The following DNAH1 variants were observed in gnomAD, a reference collection of about 807,000 sequenced individuals.
The protein encoded by DNAH1 is dynein axonemal heavy chain 1.
A neutral mutation model predicts 484.3 loss-of-function variants in DNAH1; 327 were observed. That is an observed-to-expected ratio of 0.68 (90% CI 0.62 to 0.74). The LOEUF is 0.74. DNAH1 is among the 30% of genes least tolerant of loss of function. The probability of loss-of-function intolerance (pLI) is 0.00; values close to 1 mark genes in which losing one functional copy is unlikely to be tolerated. For missense variants in DNAH1, 5,052 were observed against 5,546.8 expected (o/e 0.91, Z 2.83); for synonymous variants, 2,192 against 2,191.9 (o/e 1.00, Z 0.00).
Position 52,391,095 on chromosome 3 carries a change from G to A in DNAH1, c.9741+41G>A, listed in dbSNP as rs200764496. 7.8e-4 allele frequency: 1,249 copies of A among 1,595,264 alleles called. 2 individuals are homozygous for A. Among genetic ancestry groups the A allele is most frequent in the Non-Finnish European group, 9.1e-4 (1,062 of 1,170,830 alleles). Reference sequence around the variant, plus strand: ...AGGCACCACCACCCCACCCCAGCCAGGCATAGCAAGGGCAGTGGTGAGCCG... The same window carrying A: ...AGGCACCACCACCCCACCCCAGCCAAGCATAGCAAGGGCAGTGGTGAGCCG... On this transcript the variant is annotated intron_variant, in intron 61 of 77. Transcript: ENST00000420323.
chr3:52,356,536 GTC>G, intron 21 of DNAH1, 76 bp from the exon 22 acceptor site: 1 of 1,471,598 alleles, frequency 6.8e-7, no homozygotes, highest in Non-Finnish European at 9.3e-7. Context: ...GGGGTGAAAT[GTC>G]CCAGTCATTG....
chr3:52,374,866 T>C lies in DNAH1; in HGVS notation c.6986-374T>C, dbSNP rs1703514385. 6.4e-6 allele frequency: 7 copies of C among 1,097,148 alleles called. No homozygotes were observed. In the South Asian group the frequency reaches 8.9e-5, roughly 14 times the overall value. 68.0% of individuals were successfully genotyped at this position (1,097,148 alleles called of 1,614,324 possible). On this transcript the variant is annotated intron_variant, in intron 44 of 77. Coordinates refer to ENST00000420323, the MANE Select transcript of DNAH1 (RefSeq NM_015512.5). ...GAAGCATGGGTTAAAATAGAAAATC[T>C]AGCCAAAGCCAATCCCCAGGTACTA...
Position 52,399,568 on chromosome 3 carries a change from G to T in DNAH1, c.12465G>T (p.Glu4155Asp), listed in dbSNP as rs1704812036. The change falls in exon 77 of 78, where the codon GAG becomes GAT. Residue 4155 changes from glutamate to aspartate, a missense_variant. By Grantham distance (45) the Glu-to-Asp change is conservative. Transcript: ENST00000420323. ...AGGTGATGTTTGAGGCACCATCAGA[G>T]TTAACACAAAGACCCCAAGTAGGGT... ...DFKVMFEAPS[E>D]LTQRPQVGCY... 6.2e-7 allele frequency: 1 copy of T among 1,612,852 alleles called. No individual in the cohort carries two copies. Among genetic ancestry groups the T allele is most frequent in the African/African-American group, 1.3e-5 (1 of 75,028 alleles).
chr3:52,346,872 C>A, intron 11 of DNAH1, 102 bp downstream of exon 11: 1 of 1,292,068 alleles, frequency 7.7e-7, no homozygotes, highest in Non-Finnish European at 1.1e-6. Flanking sequence ...CCCATCCATG[C>A]CAGGTCCCAG....
Position 52,354,910 on chromosome 3 carries a change from A to G in DNAH1, c.3548A>G (p.Asp1183Gly), listed in dbSNP as rs1702544682. ...AATGTACTGCCCTACAAGGCGACAG[A>G]CACCTACATCCTGAAGAGCCCGGAC... ...LFNVLPYKAT[D>G]TYILKSPDEA... is the part of the protein sequence containing the mutation. Residue 1183 changes from aspartate (D) to glycine (G), a missense_variant, in exon 21 of 78, where the codon GAC (aspartate) becomes GGC (glycine). Physicochemically the swap from Asp to Gly is moderately conservative, Grantham distance 94. Around this residue, in one of 4 missense-constraint regions of DNAH1, gnomAD observed 2,929 missense variants for 3,409.4 expected, o/e 0.86. Coordinates refer to ENST00000420323, the MANE Select transcript of DNAH1 (RefSeq NM_015512.5). 6.2e-7 allele frequency: 1 copy of G among 1,614,054 alleles called. No homozygotes were observed. Among genetic ancestry groups the G allele is most frequent in the East Asian group, 2.2e-5 (1 of 44,884 alleles).
In DNAH1 at chr3:52,326,792, C is replaced by A; in HGVS notation, c.639C>A (p.Ile213=). Residue 213 remains isoleucine (I), a synonymous_variant, in exon 5 of 78, where the codon ATC becomes ATA. Transcript: ENST00000420323. ...AGCAGTTGCTGTTCAGCCAGGGCAT[C>A]GACTCCAACAAGCTCATGCCCAGGC... ...DIEQLLFSQG[I]DSNKLMPRHL... 6.2e-7 allele frequency: 1 copy of A among 1,613,782 alleles called. No homozygotes were observed. Among genetic ancestry groups the A allele is most frequent in the Non-Finnish European group, 8.5e-7 (1 of 1,179,804 alleles).
chr3:52,375,330 G>A lies in DNAH1; in HGVS notation c.7076G>A (p.Arg2359His), dbSNP rs748543554. 17 of 1,613,312 alleles carry A rather than the reference G, an allele frequency of 1.1e-5. No individual in the cohort carries two copies. Among genetic ancestry groups the A allele is most frequent in the African/African-American group, 1.3e-5 (1 of 74,922 alleles). ...AACACCGTCACCCCGCGGCTGATGC[G>A]TCACTTCAACTACCTGTCTTTCGCT... is the stretch of plus-strand genomic sequence containing the variant. ...GRNTVTPRLM[R>H]HFNYLSFAEM... The change falls in exon 45 of 78, where the codon CGT becomes CAT. Residue 2359 changes from arginine to histidine, a missense_variant. This residue lies in a region of DNAH1 where 2,929 missense variants were observed against 3,409.4 expected (regional missense o/e 0.86). Coordinates refer to ENST00000420323, the MANE Select transcript of DNAH1 (RefSeq NM_015512.5).
chr3:52,352,809 G>A, intron 18 of DNAH1, 102 bp downstream of exon 18: 1 of 1,458,510 alleles, frequency 6.9e-7, no homozygotes, highest in Non-Finnish European at 9.1e-7. Context: ...TTTGGGGGCA[G>A]GACCCAGCAG....
At chr3:52,320,800 CTTTTTTTTTTT>C (rs556409465) in intron 1 of DNAH1, among the ~76,000 whole-genome samples, 1 of 125,068 alleles carries the variant, frequency 8.0e-6, no homozygotes, top group Non-Finnish European at 1.6e-5. Context: ...TCTTTCTTTC[CTTTTTTTTTTT>C]TTTTTTTTTG....
intron 1 of DNAH1, among the ~76,000 whole-genome samples, chr3:52,320,799 CCTT>C (rs1701118354): frequency 7.1e-6 from 1 of 141,200 alleles, no homozygotes; most frequent in Admixed American, 7.0e-5. Flanking sequence ...TTCTTTCTTT[CCTT>C]TTTTTTTTTT....
In DNAH1 at chr3:52,399,643, C is replaced by T. The variant is rs1235264959; in HGVS notation, c.12540C>T (p.Ala4180=). Residue 4180 remains alanine (A), a synonymous_variant, in exon 77 of 78, where the codon GCC becomes GCT. Transcript: ENST00000420323. ...AAGGTGCCCGCTGGGATCCAGAGGC[C>T]TTCCAGCTGGCTGAGTCTCAGCCCA... is the stretch of plus-strand genomic sequence containing the variant. ...FLEGARWDPE[A]FQLAESQPKE... 4 of 1,613,898 alleles carry T rather than the reference C, an allele frequency of 2.5e-6. No individual in the cohort carries two copies. The highest frequency in any genetic ancestry group is 1.7e-5 in the Admixed American group (1 of 60,008).
intron 8 of DNAH1, among the ~76,000 whole-genome samples, chr3:52,340,109 C>T (rs142990863): frequency 3.3e-5 from 5 of 152,010 alleles, no homozygotes; most frequent in East Asian, 1.9e-4. Flanking sequence ...TTTTGAGATA[C>T]GGTCTCACTT....
intron 48 of DNAH1, among the ~76,000 whole-genome samples, chr3:52,380,469 T>C (rs1234024803): frequency 6.6e-6 from 1 of 152,190 alleles, no homozygotes; most frequent in East Asian, 1.9e-4. Flanking sequence ...GAGGCCTCAC[T>C]TGGTGGCCCC....
At chr3:52,349,782 T>C (rs1332813540) in intron 14 of DNAH1, among the ~76,000 whole-genome samples, 5 of 151,998 alleles carry the variant, frequency 3.3e-5, no homozygotes, top group Admixed American at 3.3e-4. Context: ...AAGGGTGAGG[T>C]GTGCCGGGTC....
Position 52,347,823 on chromosome 3 carries a change from G to A in DNAH1, c.1956-1G>A, listed in dbSNP as rs1426487113. On this transcript the variant is annotated splice_acceptor_variant, in intron 11 of 77. Transcript: ENST00000420323. LOFTEE classifies it high-confidence loss of function. ...CACAGTCAGCTCGCCATTGCCTGCA[G>A]GCCCCGGAAGAATCCCCTGTTCATC... 6 of 1,579,450 alleles carry A rather than the reference G, an allele frequency of 3.8e-6. No individual in the cohort carries two copies. Among genetic ancestry groups the A allele is most frequent in the Non-Finnish European group, 5.2e-6 (6 of 1,160,370 alleles).
At chr3:52,321,210 G>A (rs894520059) in intron 1 of DNAH1, among the ~76,000 whole-genome samples, 2 of 151,646 alleles carry the variant, frequency 1.3e-5, no homozygotes, top group Non-Finnish European at 2.9e-5. Context: ...TCTGCCTCCC[G>A]GGTTCAAGTG....
At chr3:52,382,623 A>C (rs1232997037) in intron 50 of DNAH1, among the ~76,000 whole-genome samples, 168 bp downstream of exon 50, 1 of 152,182 alleles carries the variant, frequency 6.6e-6, no homozygotes, top group African/African-American at 2.4e-5. Flanking sequence ...GGTTGAGAGC[A>C]TGAGACCAAA....
chr3:52,335,401 G>A (rs1412406622), intron 8 of DNAH1, among the ~76,000 whole-genome samples: 82 of 127,558 alleles, frequency 6.4e-4, no homozygotes, highest in African/African-American at 2.5e-3. Flanking sequence ...AAAGCAATGT[G>A]TGATTTTTTT....
Position 52,348,923 on chromosome 3 carries a change from C to A in DNAH1, c.2142C>A (p.Pro714=), listed in dbSNP as rs1007630032. The A allele has an allele frequency of 6.2e-7, 1 of 1,613,274 alleles. No homozygotes were observed. Among genetic ancestry groups the A allele is most frequent in the Non-Finnish European group, 8.5e-7 (1 of 1,179,886 alleles). The change falls in exon 13 of 78, where the codon CCC becomes CCA. Residue 714 remains proline, a synonymous_variant. Coordinates refer to ENST00000420323, the MANE Select transcript of DNAH1 (RefSeq NM_015512.5). ...AGGACATCTTCATCAGCGGTGACCC[C>A]CTGCTGGAGTCCGTGGGCCTTCATG... ...VMEDIFISGD[P]LLESVGLHEP...
Sources: allele counts gnomAD v4.1 joint callset (sites outside exome capture counted in the v4.1 genomes callset), GRCh38; gene constraint gnomAD v4.1.1; regional missense constraint gnomAD v4.1.1; transcripts MANE v1.5; gene names NCBI Gene and HGNC (gene_info 2026-07-23, HGNC 2026-07-21).